The following DUSP28 variants were observed in gnomAD, a reference collection of about 807,000 sequenced individuals.
DUSP28 encodes dual specificity phosphatase 28.
Under a neutral mutation model 8.4 loss-of-function variants are expected in DUSP28, and 11 were observed. The observed-to-expected ratio is 1.31, with a 90% CI of 0.83 to 2.17. The LOEUF (loss-of-function observed/expected upper bound fraction) is 2.17. Among genes scored for constraint, DUSP28 ranks in the 30% most tolerant of loss-of-function variants. The pLI, the probability that DUSP28 is intolerant of heterozygous loss-of-function variation, is 0.00. For missense variants in DUSP28, 373 were observed against 270.4 expected, an observed-to-expected ratio of 1.38 and a Z score of -2.66; for synonymous variants, 178 against 130.9, an observed-to-expected ratio of 1.36 and a Z score of -2.46.
rs1559408865 is a variant in DUSP28, at chr2:240,561,013, CG to C, written c.331del (p.Ala111ProfsTer23). On this transcript the variant is annotated frameshift_variant, in exon 1 of 2. Transcript: ENST00000405954. LOFTEE classifies it high-confidence loss of function. Reference sequence around the variant, plus strand: ...TACTGCAAGAACGGCCGCAGCCGCTCGGCCGCCGTCTGCACCGCGTACCTCA... The same window carrying C: ...TACTGCAAGAACGGCCGCAGCCGCTCGCCGCCGTCTGCACCGCGTACCTCA... ...LVYCKNGRSR[S>X]AAVCTAYLMR... is the part of the protein sequence containing the mutation. 2.0e-6 allele frequency: 3 copies of C among 1,534,110 alleles called. No homozygotes were observed. The South Asian group carries it at 3.6e-5, about 18-fold the overall frequency.
chr2:240,560,258 T>C (rs1294963233), upstream of DUSP28: 1 of 159,690 alleles, frequency 6.3e-6, no homozygotes, highest in East Asian at 1.8e-4. Flanking sequence ...CACGGGGCCC[T>C]AGCCGAACGA....
chr2:240,561,293 G>A (rs1236833030), intron 1 of DUSP28, 37 bp from the exon 2 acceptor site: 25 of 1,612,816 alleles, frequency 1.6e-5, no homozygotes, highest in Non-Finnish European at 1.9e-5. Context: ...GGCCATTAGC[G>A]CGACTTGGGG....
At position 240,562,951 on chromosome 2, in the gene DUSP28, T is replaced by TG. The variant is rs1056292293; in HGVS notation, c.*1485dup. ...GGGATGAGGTACTGTTATAAGATGATGAACACCAGTATGTCAAACACAATG... is the reference window on the plus strand; with the variant it reads ...GGGATGAGGTACTGTTATAAGATGATGGAACACCAGTATGTCAAACACAATG... On this transcript the variant is annotated 3_prime_UTR_variant, in exon 2 of 2. Coordinates refer to ENST00000405954, the MANE Select transcript of DUSP28 (RefSeq NM_001370465.2). 6.5e-6 allele frequency: 1 copy of TG among 154,160 alleles called. No homozygotes were observed. The highest frequency in any genetic ancestry group is 2.4e-5 in the African/African-American group (1 of 41,526). The allele number at this position is 154,160 out of a possible 1,614,324, so 9.5% of individuals were successfully genotyped here.
In DUSP28 at chr2:240,560,514, C is replaced by A. The variant is rs1441623771; in HGVS notation, c.-171C>A. ...CCAACGAGACCCAAGCCCCCTGTCC[C>A]GGCCCAGCGCCCGCGGGGGACCCAA... On this transcript the variant is annotated 5_prime_UTR_variant, in exon 1 of 2. Coordinates refer to ENST00000405954, the MANE Select transcript of DUSP28 (RefSeq NM_001370465.2). The A allele has an allele frequency of 1.9e-6, 2 of 1,058,452 alleles. No homozygotes were observed. Among genetic ancestry groups the A allele is most frequent in the Non-Finnish European group, 2.5e-6 (2 of 811,832 alleles). The allele number at this position is 1,058,452 out of a possible 1,614,324, so 65.6% of individuals were successfully genotyped here.
At position 240,560,984 on chromosome 2, in the gene DUSP28, AG is replaced by A; in HGVS notation, c.301del (p.Val101SerfsTer33). The A allele has an allele frequency of 1.3e-6, 2 of 1,542,314 alleles. No individual in the cohort carries two copies. The highest frequency in any genetic ancestry group is 2.3e-4 in the Middle Eastern group (1 of 4,316). ...CGGTGCGCGCCGGCGGCGCCTGCCT[AG>A]TCTACTGCAAGAACGGCCGCAGCCG... is the stretch of plus-strand genomic sequence containing the variant. The part of the protein sequence containing the change: ...AAVRAGGACL[V>X]YCKNGRSRSA... On this transcript the variant is annotated frameshift_variant, in exon 1 of 2. Transcript: ENST00000405954. LOFTEE classifies it high-confidence loss of function.
Position 240,562,000 on chromosome 2 carries a change from C to T in DUSP28, c.*533C>T, listed in dbSNP as rs1336448201. ...CAACTTGGGTGATTGGGGAATTATT[C>T]TCTTCATCAGCCCCTCTGCAATACA... On this transcript the variant is annotated 3_prime_UTR_variant, in exon 2 of 2. Coordinates refer to ENST00000405954, the MANE Select transcript of DUSP28 (RefSeq NM_001370465.2). The T allele has an allele frequency of 6.5e-6, 1 of 152,940 alleles. No homozygotes were observed. The highest frequency in any genetic ancestry group is 1.5e-5 in the Non-Finnish European group (1 of 68,378). The allele number at this position is 152,940 out of a possible 1,614,324, so 9.5% of individuals were successfully genotyped here. A position where few individuals can be genotyped will look rare whatever the true frequency, so the allele number is the denominator to read the frequency against.
rs2092990898 is a variant in DUSP28, at chr2:240,563,057, C to T, written c.*1590C>T. On this transcript the variant is annotated 3_prime_UTR_variant, in exon 2 of 2. Coordinates refer to ENST00000405954, the MANE Select transcript of DUSP28 (RefSeq NM_001370465.2). ...AGCACGGCTCCCACGCAGCTCACTACAGACATGACCAGAGCAGCAGGAACC... is the reference window on the plus strand; with the variant it reads ...AGCACGGCTCCCACGCAGCTCACTATAGACATGACCAGAGCAGCAGGAACC... 1 of 152,374 alleles carries T rather than the reference C, an allele frequency of 6.6e-6. No individual in the cohort carries two copies. The highest frequency in any genetic ancestry group is 1.9e-4 in the East Asian group (1 of 5,196). 9.4% of individuals were successfully genotyped at this position (152,374 alleles called of 1,614,324 possible).
At position 240,560,941 on chromosome 2, in the gene DUSP28, G is replaced by GC. The variant is rs1167342807; in HGVS notation, c.258dup (p.Ala87ArgfsTer68). The GC allele has an allele frequency of 6.5e-7, 1 of 1,534,528 alleles. No individual in the cohort carries two copies. Among genetic ancestry groups the GC allele is most frequent in the Non-Finnish European group, 8.7e-7 (1 of 1,154,054 alleles). ...CTGCTGGCGCACCTGGAGCCCACGT[G>GC]CGCCGCCATGGAGGCCGCGGTGCGC... On this transcript the variant is annotated frameshift_variant, in exon 1 of 2. Transcript: ENST00000405954. LOFTEE classifies it high-confidence loss of function.
In DUSP28 at chr2:240,561,893, C is replaced by T. The variant is rs1409532140; in HGVS notation, c.*426C>T. 1 of 155,038 alleles carries T rather than the reference C, an allele frequency of 6.5e-6. No individual in the cohort carries two copies. Among genetic ancestry groups the T allele is most frequent in the Non-Finnish European group, 1.4e-5 (1 of 69,720 alleles). 9.6% of individuals were successfully genotyped at this position (155,038 alleles called of 1,614,324 possible). On this transcript the variant is annotated 3_prime_UTR_variant, in exon 2 of 2. Transcript: ENST00000405954. The stretch of plus-strand genomic sequence containing the variant: ...CGGACTAGTTCTTCCTGCGTGACCA[C>T]GGATGCTTCTGTTTGAGAAAATGCA...
Position 240,561,476 on chromosome 2 carries a change from GGCCTGCT to G in DUSP28, c.*15_*21del. On this transcript the variant is annotated 3_prime_UTR_variant, in exon 2 of 2. Transcript: ENST00000405954. ...TGGGCCCTGAGGCTTGAAGCTTGAA[GGCCTGCT>G]GCCTGGAGGAAGGATGTCCCTGCAC... 1 of 1,610,800 alleles carries G rather than the reference GGCCTGCT, an allele frequency of 6.2e-7. No individual in the cohort carries two copies. Among genetic ancestry groups the G allele is most frequent in the Non-Finnish European group, 8.5e-7 (1 of 1,178,688 alleles).
Position 240,561,560 on chromosome 2 carries a change from TC to T in DUSP28, c.*95del. 1 of 1,462,594 alleles carries T rather than the reference TC, an allele frequency of 6.8e-7. No individual in the cohort carries two copies. The highest frequency in any genetic ancestry group is 9.1e-7 in the Non-Finnish European group (1 of 1,104,872). The allele number at this position is 1,462,594 out of a possible 1,614,324, so 90.6% of individuals were successfully genotyped here. ...TCTTCCTCACTGTCATATCGAGTTTTCCTTTGTGTGTGTGTGTGTGAAACAT... is the reference window on the plus strand; with the variant it reads ...TCTTCCTCACTGTCATATCGAGTTTTCTTTGTGTGTGTGTGTGTGAAACAT... On this transcript the variant is annotated 3_prime_UTR_variant, in exon 2 of 2. Coordinates refer to ENST00000405954, the MANE Select transcript of DUSP28 (RefSeq NM_001370465.2).
Position 240,562,103 on chromosome 2 carries a change from G to A in DUSP28, c.*636G>A, listed in dbSNP as rs1323833024. The A allele has an allele frequency of 6.6e-6, 1 of 151,692 alleles. No individual in the cohort carries two copies. Among genetic ancestry groups the A allele is most frequent in the Admixed American group, 6.6e-5 (1 of 15,194 alleles). The allele number at this position is 151,692 out of a possible 1,614,324, so 9.4% of individuals were successfully genotyped here. On this transcript the variant is annotated 3_prime_UTR_variant, in exon 2 of 2. Transcript: ENST00000405954. ...TCTCTTTCTTTTTTTTTGTTTGTTT[G>A]TTTGAGACAGAGTCTCTGTTGCCCA... is the stretch of plus-strand genomic sequence containing the variant.
Position 240,564,457 on chromosome 2 carries a change from G to A in DUSP28, c.*2990G>A, listed in dbSNP as rs967284478. Among the ~76,000 whole-genome samples the A allele has an allele frequency of 6.6e-6, 1 of 152,236 alleles. No individual in the cohort carries two copies. The highest frequency in any genetic ancestry group is 1.5e-5 in the Non-Finnish European group (1 of 68,038). On this transcript the variant is annotated 3_prime_UTR_variant, in exon 2 of 2. Coordinates refer to ENST00000405954, the MANE Select transcript of DUSP28 (RefSeq NM_001370465.2). ...CCTCTTGCTGGTGGGGCAAGGGTCT[G>A]CGCATCAGACCACATGGACCCCTGC...
Position 240,561,598 on chromosome 2 carries a change from T to A in DUSP28, c.*131T>A, listed in dbSNP as rs1365768056. The A allele has an allele frequency of 8.2e-7, 1 of 1,220,590 alleles. No homozygotes were observed. The highest frequency in any genetic ancestry group is 1.1e-6 in the Non-Finnish European group (1 of 926,110). The allele number at this position is 1,220,590 out of a possible 1,614,324, so 75.6% of individuals were successfully genotyped here. On this transcript the variant is annotated 3_prime_UTR_variant, in exon 2 of 2. Transcript: ENST00000405954. The stretch of plus-strand genomic sequence containing the variant: ...TGTGTGTGAAACATAGTGCTTTTAA[T>A]TTTATATTTCCGGCTGAGGTGATGC...
In DUSP28 at chr2:240,564,297, C is replaced by T. The variant is rs967329545; in HGVS notation, c.*2830C>T. ...GGCCTGAAGGGCCCGCTCTGCGGTC[C>T]TGCCACCAGTGCCCTCTGAGGTCCA... On this transcript the variant is annotated 3_prime_UTR_variant, in exon 2 of 2. Transcript: ENST00000405954. Among the ~76,000 whole-genome samples, 2 of 152,268 alleles carry T rather than the reference C, an allele frequency of 1.3e-5. No individual in the cohort carries two copies. The highest frequency in any genetic ancestry group is 6.5e-5 in the Admixed American group (1 of 15,290).
rs772084662 is a variant in DUSP28, at chr2:240,561,660, G to A, written c.*193G>A. On this transcript the variant is annotated 3_prime_UTR_variant, in exon 2 of 2. Transcript: ENST00000405954. ...TACAGACACAAAAAGAAATACATTT[G>A]GTAAAACATCGAAGACAAATTAAGA... 6 of 792,642 alleles carry A rather than the reference G, an allele frequency of 7.6e-6. No homozygotes were observed. Among genetic ancestry groups the A allele is most frequent in the South Asian group, 2.3e-5 (1 of 43,070 alleles). 49.1% of individuals were successfully genotyped at this position (792,642 alleles called of 1,614,324 possible). A position where few individuals can be genotyped will look rare whatever the true frequency, so the allele number is the denominator to read the frequency against.
chr2:240,561,868 C>T lies in DUSP28; in HGVS notation c.*401C>T, dbSNP rs77560876. On this transcript the variant is annotated 3_prime_UTR_variant, in exon 2 of 2. Transcript: ENST00000405954. ...TTTATTTTTAGTAGTGTCATAAGAACGGACTAGTTCTTCCTGCGTGACCAC... is the reference window on the plus strand; with the variant it reads ...TTTATTTTTAGTAGTGTCATAAGAATGGACTAGTTCTTCCTGCGTGACCAC... 3,797 of 158,072 alleles carry T rather than the reference C, an allele frequency of 0.024. 176 individuals are homozygous for T. Among genetic ancestry groups the T allele is most frequent in the African/African-American group, 0.085 (3,559 of 41,652 alleles). The allele number at this position is 158,072 out of a possible 1,614,324, so 9.8% of individuals were successfully genotyped here.
Position 240,561,386 on chromosome 2 carries a change from C to A in DUSP28, c.450C>A (p.Leu150=), listed in dbSNP as rs2092954148. 6.2e-7 allele frequency: 1 copy of A among 1,613,822 alleles called. No homozygotes were observed. The highest frequency in any genetic ancestry group is 8.5e-7 in the Non-Finnish European group (1 of 1,180,026). ...AEPNPGFWSQ[L]QKYEEALQAQ... is the part of the protein sequence containing the mutation. ...CGAACCCGGGCTTCTGGTCTCAGCT[C>A]CAGAAGTATGAGGAGGCCCTCCAGG... The change falls in exon 2 of 2, where the codon CTC becomes CTA. Residue 150 remains leucine (L), a synonymous_variant. Coordinates refer to ENST00000405954, the MANE Select transcript of DUSP28 (RefSeq NM_001370465.2).
chr2:240,561,017 C>G lies in DUSP28; in HGVS notation c.333C>G (p.Ala111=). 2.0e-6 allele frequency: 3 copies of G among 1,534,468 alleles called. No individual in the cohort carries two copies. The highest frequency in any genetic ancestry group is 2.6e-6 in the Non-Finnish European group (3 of 1,152,410). The change falls in exon 1 of 2, where the codon GCC becomes GCG. Residue 111 remains alanine (A), a synonymous_variant. Coordinates refer to ENST00000405954, the MANE Select transcript of DUSP28 (RefSeq NM_001370465.2). ...VYCKNGRSRS[A]AVCTAYLMRH... ...GCAAGAACGGCCGCAGCCGCTCGGCCGCCGTCTGCACCGCGTACCTCATGC... is the reference window on the plus strand; with the variant it reads ...GCAAGAACGGCCGCAGCCGCTCGGCGGCCGTCTGCACCGCGTACCTCATGC...
Sources: gnomAD v4.1 joint callset for allele counts (sites outside exome capture counted in the v4.1 genomes callset) on GRCh38, gnomAD v4.1.1 for gene constraint, MANE v1.5 for transcripts, NCBI Gene and HGNC (gene_info 2026-07-23, HGNC 2026-07-21) for gene names.